ZBTB20: variants seen among roughly 807,000 people sequenced by gnomAD.
The protein encoded by ZBTB20 is zinc finger and BTB domain-containing protein 20.
A neutral mutation model predicts 56.9 loss-of-function variants in ZBTB20; 9 were observed. That is an observed-to-expected ratio of 0.16 (90% CI 0.10 to 0.28). The LOEUF (loss-of-function observed/expected upper bound fraction) is 0.28, where lower values mean the gene tolerates loss of function less well. Among genes scored for constraint, ZBTB20 ranks in the 10% least tolerant of loss-of-function variants. The pLI is 1.00. For synonymous variants in ZBTB20, 417 were observed against 420.7 expected, an observed-to-expected ratio of 0.99 and a Z score of 0.11; for missense variants, 655 against 1,003.0, an observed-to-expected ratio of 0.65 and a Z score of 4.69.
At chr3:115,055,912 T>C (rs1302917480) in intron 2 of ZBTB20, among the ~76,000 whole-genome samples, 1 of 151,964 alleles carries the variant, frequency 6.6e-6, no homozygotes, top group Non-Finnish European at 1.5e-5. Context: ...AGCTTTGGGG[T>C]AGAAAAATGT....
At chr3:114,465,775 T>C (rs1212493172) in intron 7 of ZBTB20, among the ~76,000 whole-genome samples, 1 of 151,250 alleles carries the variant, frequency 6.6e-6, no homozygotes, top group African/African-American at 2.4e-5. Context: ...CAAAGTCCAA[T>C]GTTAGGATGA....
intron 3 of ZBTB20, among the ~76,000 whole-genome samples, chr3:114,945,537 GA>G (rs2076856290): frequency 6.9e-6 from 1 of 144,460 alleles, no homozygotes. Context: ...TAACCACTAA[GA>G]AAAATTAAAA....
intron 5 of ZBTB20, among the ~76,000 whole-genome samples, chr3:114,697,727 A>G (rs2063132129): frequency 6.6e-6 from 1 of 151,962 alleles, no homozygotes; most frequent in African/African-American, 2.4e-5. Context: ...TCAGAACACT[A>G]AAAAGAAAGG....
intron 6 of ZBTB20, among the ~76,000 whole-genome samples, chr3:114,530,719 G>A (rs968138547): frequency 2.0e-5 from 3 of 152,012 alleles, no homozygotes; most frequent in Admixed American, 2.0e-4. Flanking sequence ...AATGATCATC[G>A]CCCTTTTGAT....
At chr3:114,353,362 A>G (rs955468770) in intron 10 of ZBTB20, among the ~76,000 whole-genome samples, 2 of 152,210 alleles carry the variant, frequency 1.3e-5, no homozygotes, top group African/African-American at 2.4e-5. Flanking sequence ...TCTGAGTTCA[A>G]TGAGCGTTTC....
chr3:114,680,472 TACAA>T (rs1163119626), intron 6 of ZBTB20, among the ~76,000 whole-genome samples: 21 of 152,186 alleles, frequency 1.4e-4, no homozygotes, highest in Admixed American at 1.3e-3. Flanking sequence ...GTCTAAGTTT[TACAA>T]ACAAACAAAC....
At chr3:115,115,263 G>A (rs753740086) in intron 1 of ZBTB20, among the ~76,000 whole-genome samples, 2 of 151,886 alleles carry the variant, frequency 1.3e-5, no homozygotes, top group African/African-American at 2.4e-5. Context: ...AACCTGCCTC[G>A]GCAAGCTTTT....
At chr3:114,415,835 A>G in intron 7 of ZBTB20, among the ~76,000 whole-genome samples, 1 of 152,060 alleles carries the variant, frequency 6.6e-6, no homozygotes. Context: ...GTGCTACAAG[A>G]ACAATCTTAC....
intron 6 of ZBTB20, among the ~76,000 whole-genome samples, chr3:114,586,913 C>A (rs1476910190): frequency 1.3e-5 from 2 of 150,376 alleles, no homozygotes; most frequent in Non-Finnish European, 3.0e-5. Context: ...CTCTAAACAT[C>A]ATTTATTCTT....
At chr3:114,416,273 C>T (rs756759231) in intron 7 of ZBTB20, among the ~76,000 whole-genome samples, 8 of 150,602 alleles carry the variant, frequency 5.3e-5, no homozygotes, top group Non-Finnish European at 1.2e-4. Context: ...ATAATATCAA[C>T]CACCTGATCA....
intron 6 of ZBTB20, among the ~76,000 whole-genome samples, chr3:114,675,731 T>G (rs1025228303): frequency 2.0e-4 from 31 of 152,168 alleles, no homozygotes; most frequent in African/African-American, 7.5e-4. Flanking sequence ...GGGCTGAAAG[T>G]AGAAAAACTG....
At chr3:114,948,841 T>C (rs550988295) in intron 3 of ZBTB20, among the ~76,000 whole-genome samples, 5 of 146,312 alleles carry the variant, frequency 3.4e-5, no homozygotes, top group Non-Finnish European at 5.9e-5. Context: ...GTATGAATTA[T>C]AATGCATTTA....
Position 115,133,265 on chromosome 3 carries a change from A to G in ZBTB20, c.-703+13954T>C, listed in dbSNP as rs1193721618. 2.0e-5 allele frequency among the ~76,000 whole-genome samples: 3 copies of G among 152,134 alleles called. No homozygotes were observed. In the East Asian group the frequency reaches 5.8e-4, roughly 29 times the overall value. ...TCCTTTTATTTCTCAAGGGTTTTAA[A>G]TTTGTCACACAGCTACATTCTTATT... On this transcript the variant is annotated intron_variant, in intron 1 of 11. Coordinates refer to ENST00000675478, the MANE Select transcript of ZBTB20 (RefSeq NM_001348800.3).
intron 7 of ZBTB20, among the ~76,000 whole-genome samples, chr3:114,402,742 CCATGAGA>C: frequency 6.6e-6 from 1 of 152,142 alleles, no homozygotes; most frequent in Non-Finnish European, 1.5e-5. Flanking sequence ...ATAAAAACAG[CCATGAGA>C]CACAACAGTT....
At chr3:114,397,647 T>A (rs2086450425) in intron 7 of ZBTB20, among the ~76,000 whole-genome samples, 2 of 152,046 alleles carry the variant, frequency 1.3e-5, no homozygotes, top group South Asian at 4.2e-4. Flanking sequence ...TTAAAGTGTG[T>A]TTCATACTGG....
intron 7 of ZBTB20, among the ~76,000 whole-genome samples, chr3:114,472,384 G>A (rs2040230990): frequency 1.3e-5 from 2 of 152,150 alleles, no homozygotes; most frequent in African/African-American, 4.8e-5. Context: ...TGGGAAAAAG[G>A]AAGAAAGAGG....
intron 4 of ZBTB20, among the ~76,000 whole-genome samples, chr3:114,821,331 G>A (rs181227530): frequency 6.2e-4 from 95 of 152,158 alleles, no homozygotes; most frequent in African/African-American, 2.1e-3. Context: ...ACCATATCAG[G>A]AACCTTATGA....
intron 5 of ZBTB20, among the ~76,000 whole-genome samples, chr3:114,750,821 G>A (rs979031208): frequency 1.4e-4 from 21 of 152,224 alleles, no homozygotes; most frequent in Non-Finnish European, 4.4e-5. Flanking sequence ...TTCAAAATAG[G>A]GGTCACCTAA....
At chr3:114,857,275 C>T (rs1406992020) in intron 4 of ZBTB20, among the ~76,000 whole-genome samples, 1 of 152,182 alleles carries the variant, frequency 6.6e-6, no homozygotes, top group Non-Finnish European at 1.5e-5. Flanking sequence ...CCAAAGCCAC[C>T]TTCTAAGTGC....
Sources: gnomAD v4.1 joint callset for allele counts (sites outside exome capture counted in the v4.1 genomes callset) on GRCh38, gnomAD v4.1.1 for gene constraint, MANE v1.5 for transcripts, NCBI Gene and HGNC (gene_info 2026-07-23, HGNC 2026-07-21) for gene names.